Variants in RIC1 observed in about 807,000 individuals in gnomAD.
The protein encoded by RIC1 is guanine nucleotide exchange factor subunit RIC1.
In RIC1, 88 loss-of-function variants were observed where a neutral mutation model predicts 169.0. The observed-to-expected ratio is 0.52, with a 90% CI of 0.44 to 0.62. The LOEUF is 0.62. RIC1 is among the 20% of genes least tolerant of loss of function. The probability of loss-of-function intolerance (pLI) is 0.00; values close to 1 mark genes in which losing one functional copy is unlikely to be tolerated. For missense variants in RIC1, 1,877 were observed against 1,725.5 expected, an observed-to-expected ratio of 1.09 and a Z score of -1.56; for synonymous variants, 790 against 601.5, an observed-to-expected ratio of 1.31 and a Z score of -4.59.
intron 3 of RIC1, among the ~76,000 whole-genome samples, chr9:5,692,590 G>T (rs1440917650): frequency 1.3e-5 from 2 of 152,016 alleles, no homozygotes; most frequent in Non-Finnish European, 2.9e-5. Context: ...TCAGCCTGTT[G>T]TGTATTTGTG....
chr9:5,769,527 A>C (rs547975165), intron 22 of RIC1: 2 of 1,182,016 alleles, frequency 1.7e-6, no homozygotes, highest in Admixed American at 3.0e-5. Context: ...AACTGCCTGA[A>C]TATAAAAGCT....
intron 6 of RIC1, among the ~76,000 whole-genome samples, chr9:5,724,967 T>G (rs1375950237): frequency 6.6e-6 from 1 of 152,220 alleles, no homozygotes; most frequent in Non-Finnish European, 1.5e-5. Flanking sequence ...GCCAGTATTT[T>G]ATTGAGGATT....
intron 2 of RIC1, among the ~76,000 whole-genome samples, chr9:5,670,925 G>C (rs145688041): frequency 2.0e-5 from 3 of 152,132 alleles, no homozygotes; most frequent in Non-Finnish European, 4.4e-5. Flanking sequence ...TCTTCATGTC[G>C]AGTCCACTTC....
intron 21 of RIC1, among the ~76,000 whole-genome samples, chr9:5,768,765 CA>C (rs1266524674): frequency 6.6e-6 from 1 of 152,134 alleles, no homozygotes; most frequent in East Asian, 1.9e-4. Flanking sequence ...ATTCATTCTA[CA>C]AATGTGTCTT....
intron 2 of RIC1, among the ~76,000 whole-genome samples, chr9:5,670,785 G>C (rs562232270): frequency 3.3e-5 from 5 of 152,144 alleles, no homozygotes; most frequent in Non-Finnish European, 5.9e-5. Context: ...GAACAGAAGC[G>C]CCATAGTTTT....
chr9:5,761,711 AT>A (rs1459218690), intron 17 of RIC1, among the ~76,000 whole-genome samples: 4 of 152,136 alleles, frequency 2.6e-5, no homozygotes, highest in Non-Finnish European at 4.4e-5. Context: ...TTTAACCAAA[AT>A]GTTCCTTCCT....
chr9:5,682,741 T>A (rs1226995056), intron 2 of RIC1, among the ~76,000 whole-genome samples: 4 of 152,224 alleles, frequency 2.6e-5, no homozygotes. Flanking sequence ...CTGGATAATA[T>A]CCTGCAGAGT....
chr9:5,753,178 T>C (rs375817343), intron 12 of RIC1, 22 bp from the exon 13 acceptor site: 611 of 1,594,334 alleles, frequency 3.8e-4, no homozygotes, highest in Middle Eastern at 1.8e-3. Context: ...GTTTTACCAA[T>C]CTGATGTGTT....
At chr9:5,699,292 A>C (rs989714658) in intron 3 of RIC1, among the ~76,000 whole-genome samples, 4 of 152,196 alleles carry the variant, frequency 2.6e-5, no homozygotes, top group Admixed American at 2.0e-4. Flanking sequence ...CAGCATCTGC[A>C]TGGCCCCAGT....
intron 1 of RIC1, among the ~76,000 whole-genome samples, chr9:5,647,971 G>GTGGTGA (rs1563867031): frequency 5.1e-5 from 6 of 118,118 alleles, no homozygotes; most frequent in East Asian, 2.0e-4. Context: ...GGTGGTGGTG[G>GTGGTGA]TGATGGTGGT....
At chr9:5,692,049 A>G (rs10975243) in intron 3 of RIC1, among the ~76,000 whole-genome samples, 43,469 of 151,956 alleles carry the variant, frequency 0.29, 7,498 homozygotes, top group East Asian at 0.62. Context: ...GTTTGACTCT[A>G]TGTGTTAAGG....
chr9:5,759,125 A>G (rs1826185709), intron 17 of RIC1, among the ~76,000 whole-genome samples: 1 of 152,194 alleles, frequency 6.6e-6, no homozygotes, highest in Admixed American at 6.5e-5. Flanking sequence ...TTTAATGGTA[A>G]CCAGTTAGTC....
intron 1 of RIC1, among the ~76,000 whole-genome samples, chr9:5,642,677 C>G (rs540005127): frequency 6.9e-6 from 1 of 144,922 alleles, no homozygotes; most frequent in Non-Finnish European, 1.5e-5. Flanking sequence ...CCACCACTAC[C>G]ACAGGGCCAT....
At chr9:5,673,562 A>ATATATATATATAT (rs1554663258) in intron 2 of RIC1, among the ~76,000 whole-genome samples, 9 of 145,868 alleles carry the variant, frequency 6.2e-5, no homozygotes, top group East Asian at 4.0e-4. Context: ...ATATATAAAT[A>ATATATATATATAT]AATGTTGATT....
At chr9:5,674,719 T>C (rs1213932321) in intron 2 of RIC1, among the ~76,000 whole-genome samples, 1 of 152,220 alleles carries the variant, frequency 6.6e-6, no homozygotes, top group Admixed American at 6.5e-5. Flanking sequence ...ACCTGCTCTT[T>C]TCTCTTGGAA....
intron 4 of RIC1, chr9:5,719,305 C>G (rs1823450327): frequency 6.6e-6 from 1 of 152,216 alleles, no homozygotes; most frequent in African/African-American, 2.4e-5. Flanking sequence ...TAACACTGCC[C>G]TTGGGGCTGT....
chr9:5,777,850 C>G (rs1827672196), downstream of RIC1, among the ~76,000 whole-genome samples: 1 of 152,018 alleles, frequency 6.6e-6, no homozygotes, highest in Admixed American at 6.6e-5. Flanking sequence ...ATGCCAATAC[C>G]ACATTGCCTT....
intron 3 of RIC1, among the ~76,000 whole-genome samples, chr9:5,705,785 A>G (rs1340535752): frequency 2.0e-5 from 3 of 152,208 alleles, no homozygotes; most frequent in African/African-American, 4.8e-5. Context: ...GCTTTATCAT[A>G]TATGTCCTTT....
chr9:5,751,113 C>G (rs1825698272), intron 12 of RIC1, among the ~76,000 whole-genome samples: 1 of 151,574 alleles, frequency 6.6e-6, no homozygotes, highest in Non-Finnish European at 1.5e-5. Context: ...CAGTAAGATC[C>G]CAGCTCCTCC....
Sources: gnomAD v4.1 joint callset for allele counts (sites outside exome capture counted in the v4.1 genomes callset) on GRCh38, gnomAD v4.1.1 for gene constraint, MANE v1.5 for transcripts, NCBI Gene and HGNC (gene_info 2026-07-23, HGNC 2026-07-21) for gene names.